Variants in MBOAT1 observed in about 807,000 individuals in gnomAD.
MBOAT1 encodes membrane-bound glycerophospholipid O-acyltransferase 1.
MBOAT1 carries 67 observed loss-of-function variants against 64.4 expected under a neutral mutation model. The ratio of observed to expected loss-of-function variants is 1.04; its 90% CI spans 0.85 to 1.27. MBOAT1 has a LOEUF of 1.27. MBOAT1 is among the 50% of genes most tolerant of loss of function. The pLI, the probability that MBOAT1 is intolerant of heterozygous loss-of-function variation, is 0.00. For synonymous variants in MBOAT1, 229 were observed against 218.9 expected, an observed-to-expected ratio of 1.05 and a Z score of -0.41; for missense variants, 563 against 604.6, an observed-to-expected ratio of 0.93 and a Z score of 0.72.
chr6:20,168,642 AGAGG>A (rs1232163948), intron 1 of MBOAT1, among the ~76,000 whole-genome samples: 1,628 of 106,596 alleles, frequency 0.015, 73 homozygotes, highest in African/African-American at 0.052. Flanking sequence ...AGAAGAGAAG[AGAGG>A]AGAGGAGAGG....
intron 4 of MBOAT1, among the ~76,000 whole-genome samples, chr6:20,137,871 C>T (rs1400408637): frequency 2.0e-5 from 3 of 152,206 alleles, no homozygotes; most frequent in Admixed American, 1.3e-4. Flanking sequence ...AATGGCTATA[C>T]ATCAGGCTGC....
At chr6:20,111,010 A>G (rs1278417546) in intron 11 of MBOAT1, among the ~76,000 whole-genome samples, 1 of 152,160 alleles carries the variant, frequency 6.6e-6, no homozygotes, top group Non-Finnish European at 1.5e-5. Context: ...TGTGCTAATG[A>G]TTTGCATGGC....
At chr6:20,161,375 T>G (rs1040562285) in intron 1 of MBOAT1, among the ~76,000 whole-genome samples, 1 of 152,040 alleles carries the variant, frequency 6.6e-6, no homozygotes, top group Non-Finnish European at 1.5e-5. Context: ...GTAATAAGAA[T>G]AGAAATAAAG....
At position 20,142,474 on chromosome 6, in the gene MBOAT1, C is replaced by T. The variant is rs146738296; in HGVS notation, c.419+1746G>A. ...GGCTTTTTGTTTTTTGTTTTTGAGA[C>T]GGTCTCGCTCTGCCACCCAGGCTGG... On this transcript the variant is annotated intron_variant, in intron 4 of 12. Transcript: ENST00000324607. Among the ~76,000 whole-genome samples, 502 of 152,164 alleles carry T rather than the reference C, an allele frequency of 3.3e-3. 1 individual carries two copies. The highest frequency in any genetic ancestry group is 0.011 in the African/African-American group (476 of 41,510).
At chr6:20,154,611 C>G (rs1275628506) in intron 1 of MBOAT1, among the ~76,000 whole-genome samples, 1 of 152,032 alleles carries the variant, frequency 6.6e-6, no homozygotes, top group Non-Finnish European at 1.5e-5. Flanking sequence ...TCCAAAAAAC[C>G]TGTTCTCACC....
chr6:20,138,289 C>T (rs1212115441), intron 4 of MBOAT1, among the ~76,000 whole-genome samples: 1 of 152,112 alleles, frequency 6.6e-6, no homozygotes, highest in Non-Finnish European at 1.5e-5. Context: ...AATTTTCAGG[C>T]GGATTTTTTT....
At chr6:20,159,485 G>A (rs2113707121) in intron 1 of MBOAT1, among the ~76,000 whole-genome samples, 1 of 152,260 alleles carries the variant, frequency 6.6e-6, no homozygotes, top group South Asian at 2.1e-4. Context: ...GCGACAACAT[G>A]ATACACCTAG....
At chr6:20,155,155 G>A (rs1761639836) in intron 1 of MBOAT1, among the ~76,000 whole-genome samples, 1 of 152,352 alleles carries the variant, frequency 6.6e-6, no homozygotes, top group Middle Eastern at 3.4e-3. Context: ...TCTCACGAGT[G>A]TAGTCCCCCG....
intron 1 of MBOAT1, among the ~76,000 whole-genome samples, chr6:20,192,747 T>G (rs529153914): frequency 6.6e-5 from 10 of 152,146 alleles, no homozygotes; most frequent in South Asian, 2.1e-4. Flanking sequence ...CATGTAGGTA[T>G]GATTAGCTCA....
In MBOAT1 at chr6:20,124,397, A is replaced by G; in HGVS notation, c.907+11T>C. On this transcript the variant is annotated intron_variant, in intron 8 of 12. Coordinates refer to ENST00000324607, the MANE Select transcript of MBOAT1 (RefSeq NM_001080480.3). ...TCCCTCATTCAGTTACAGCTACTCC[A>G]TCAAACTTACCTAATGTCCATGCAA... 1.2e-6 allele frequency: 2 copies of G among 1,611,392 alleles called. No individual in the cohort carries two copies. The highest frequency in any genetic ancestry group is 1.3e-5 in the African/African-American group (1 of 74,978).
At chr6:20,143,523 G>A (rs565917832) in intron 4 of MBOAT1, among the ~76,000 whole-genome samples, 1 of 152,128 alleles carries the variant, frequency 6.6e-6, no homozygotes. Flanking sequence ...CTAACACAGG[G>A]ATAGAAAAGC....
intron 1 of MBOAT1, among the ~76,000 whole-genome samples, chr6:20,164,608 T>C (rs1243110215): frequency 1.4e-5 from 2 of 146,678 alleles, no homozygotes; most frequent in African/African-American, 5.1e-5. Flanking sequence ...AGATCAGAAT[T>C]TGTGGGAGGT....
intron 1 of MBOAT1, among the ~76,000 whole-genome samples, chr6:20,188,994 C>T (rs1762731159): frequency 6.6e-6 from 1 of 152,154 alleles, no homozygotes; most frequent in Non-Finnish European, 1.5e-5. Flanking sequence ...TTTATATTCC[C>T]TCAGAGTCTT....
intron 11 of MBOAT1, among the ~76,000 whole-genome samples, chr6:20,111,056 G>A (rs1760123249): frequency 6.6e-6 from 1 of 152,148 alleles, no homozygotes; most frequent in African/African-American, 2.4e-5. Context: ...AGCCTATTAT[G>A]TTAGCATCAT....
intron 1 of MBOAT1, among the ~76,000 whole-genome samples, chr6:20,164,067 G>A (rs371979791): frequency 2.0e-5 from 3 of 151,596 alleles, no homozygotes; most frequent in Non-Finnish European, 4.4e-5. Flanking sequence ...TTTAATATGT[G>A]TATATATTAT....
At chr6:20,197,611 T>C (rs1182473841) in intron 1 of MBOAT1, among the ~76,000 whole-genome samples, 2 of 152,216 alleles carry the variant, frequency 1.3e-5, no homozygotes. Context: ...TTGTCTCTTA[T>C]CTACCTATGA....
At chr6:20,116,445 C>A (rs867357146) in intron 9 of MBOAT1, among the ~76,000 whole-genome samples, 3 of 151,960 alleles carry the variant, frequency 2.0e-5, no homozygotes, top group Non-Finnish European at 4.4e-5. Flanking sequence ...TGTTTTCAAC[C>A]GTAAGAAAAT....
At position 20,161,715 on chromosome 6, in the gene MBOAT1, T is replaced by C. The variant is rs537372014; in HGVS notation, c.100-8946A>G. Among the ~76,000 whole-genome samples the C allele has an allele frequency of 7.2e-5, 11 of 152,228 alleles. No homozygotes were observed. The East Asian group carries it at 2.1e-3, about 29-fold the overall frequency. ...AGCAAGTCACAAAGTCAGGGAGTGG[T>C]AGAGCCAGGGTTTCAAACGCAGCCT... is the stretch of plus-strand genomic sequence containing the variant. On this transcript the variant is annotated intron_variant, in intron 1 of 12. Coordinates refer to ENST00000324607, the MANE Select transcript of MBOAT1 (RefSeq NM_001080480.3).
rs190252081 is a variant in MBOAT1 at position 20,187,718 on chromosome 6, C to T, written c.99+24418G>A. On this transcript the variant is annotated intron_variant, in intron 1 of 12. Coordinates refer to ENST00000324607, the MANE Select transcript of MBOAT1 (RefSeq NM_001080480.3). ...TGGTCAGGTAAAGAAGGGAAGGAGACTGGTGGTACACACCTGTAATATCAG... is the reference window on the plus strand; with the variant it reads ...TGGTCAGGTAAAGAAGGGAAGGAGATTGGTGGTACACACCTGTAATATCAG... Among the ~76,000 whole-genome samples, 20 of 152,222 alleles carry T rather than the reference C, an allele frequency of 1.3e-4. No homozygotes were observed. The East Asian group carries it at 3.9e-3, about 29-fold the overall frequency.
Sources: gnomAD v4.1 joint callset for allele counts (sites outside exome capture counted in the v4.1 genomes callset) on GRCh38, gnomAD v4.1.1 for gene constraint, MANE v1.5 for transcripts, NCBI Gene and HGNC (gene_info 2026-07-23, HGNC 2026-07-21) for gene names.